The following DPP9 variants were observed in gnomAD, a reference collection of about 807,000 sequenced individuals.
DPP9 encodes the protein dipeptidyl peptidase 9.
Under a neutral mutation model 110.7 loss-of-function variants are expected in DPP9, and 50 were observed. The ratio of observed to expected loss-of-function variants is 0.45; its 90% CI spans 0.36 to 0.57. The LOEUF is 0.57. Ranked by LOEUF, DPP9 falls within the 20% of genes least tolerant of loss-of-function variation. The pLI is 0.00. For missense variants in DPP9, 1,022 were observed against 1,217.9 expected, an observed-to-expected ratio of 0.84 and a Z score of 2.39; for synonymous variants, 561 against 514.4, an observed-to-expected ratio of 1.09 and a Z score of -1.23.
At chr19:4,705,089 A>G (rs1326973006) in intron 5 of DPP9, among the ~76,000 whole-genome samples, 1 of 152,208 alleles carries the variant, frequency 6.6e-6, no homozygotes, top group African/African-American at 2.4e-5. Flanking sequence ...ACTCAGAGAC[A>G]GGCCAAAGTG....
At chr19:4,678,727 G>A (rs2089281416) in intron 21 of DPP9, among the ~76,000 whole-genome samples, 1 of 152,214 alleles carries the variant, frequency 6.6e-6, no homozygotes, top group South Asian at 2.1e-4. Flanking sequence ...TCCCTGCTCT[G>A]TTGAAAGGCA....
In DPP9 at chr19:4,710,429, G is replaced by A. The variant is rs2092779547; in HGVS notation, c.313+3652C>T. On this transcript the variant is annotated intron_variant, in intron 4 of 21. Coordinates refer to ENST00000262960, the MANE Select transcript of DPP9 (RefSeq NM_139159.5). This position sits in a 1 kb window ranked among gnomAD's most constrained non-coding sequence, Gnocchi z 5.6. ...GTGGGGCGGGAGCGGGGTCGGGAGC[G>A]TTTCCCAATGCTGCAGTCTGAGGCC... 6.6e-6 allele frequency among the ~76,000 whole-genome samples: 1 copy of A among 152,212 alleles called. No individual in the cohort carries two copies. The highest frequency in any genetic ancestry group is 2.4e-5 in the African/African-American group (1 of 41,456).
rs1013092883 is a variant in DPP9 at position 4,693,602 on chromosome 19, G to A, written c.1516+1059C>T. Among the ~76,000 whole-genome samples the A allele has an allele frequency of 1.3e-5, 2 of 152,086 alleles. No homozygotes were observed. Among genetic ancestry groups the A allele is most frequent in the African/African-American group, 2.4e-5 (1 of 41,430 alleles). On this transcript the variant is annotated intron_variant, in intron 13 of 21. Coordinates refer to ENST00000262960, the MANE Select transcript of DPP9 (RefSeq NM_139159.5). This position sits in a 1 kb window ranked among gnomAD's most constrained non-coding sequence, Gnocchi z 5.0. The stretch of plus-strand genomic sequence containing the variant: ...AAACGGTGTGGGCTCAGCTGTCCAA[G>A]CACATCCAGAATCAGACCCACCAGG...
At position 4,704,928 on chromosome 19, in the gene DPP9, G is replaced by A. The variant is rs570046644; in HGVS notation, c.427-624C>T. 2.6e-5 allele frequency among the ~76,000 whole-genome samples: 4 copies of A among 152,272 alleles called. No individual in the cohort carries two copies. The highest frequency in any genetic ancestry group is 4.1e-4 in the South Asian group (2 of 4,824). On this transcript the variant is annotated intron_variant, in intron 5 of 21. Coordinates refer to ENST00000262960, the MANE Select transcript of DPP9 (RefSeq NM_139159.5). This position sits in a 1 kb window ranked among gnomAD's most constrained non-coding sequence, Gnocchi z 6.0. Reference sequence around the variant, plus strand: ...GCAGAAGAATCACTTGAACCGGGAGGCAGAGGTTGCAGTGAGCCGAGATTG... The same window carrying A: ...GCAGAAGAATCACTTGAACCGGGAGACAGAGGTTGCAGTGAGCCGAGATTG...
chr19:4,691,604 AGTGTGGGGG>A (rs370500380), intron 13 of DPP9, among the ~76,000 whole-genome samples: 1 of 129,556 alleles, frequency 7.7e-6, no homozygotes, highest in African/African-American at 2.9e-5. Context: ...GGGGGCGGGG[AGTGTGGGGG>A]AGGAGCCAAC....
At chr19:4,688,988 GC>G in intron 15 of DPP9, 96 bp from the exon 16 acceptor site, 1 of 1,140,558 alleles carries the variant, frequency 8.8e-7, no homozygotes, top group Non-Finnish European at 1.1e-6. Flanking sequence ...CCTCCCGCCC[GC>G]CCCCATCCCT....
In DPP9 at chr19:4,689,307, G is replaced by C. The variant is rs572064002; in HGVS notation, c.1749+263C>G. On this transcript the variant is annotated intron_variant, in intron 15 of 21. Transcript: ENST00000262960. The surrounding 1 kb of genome is among the most constrained non-coding windows in gnomAD (Gnocchi z 7.0). ...GAGAGGCTAAGGGCCACATCCCACC[G>C]CACACAGAGCGGCGGAGCCCCAGCT... Among the ~76,000 whole-genome samples the C allele has an allele frequency of 6.6e-6, 1 of 152,342 alleles. No individual in the cohort carries two copies. Among genetic ancestry groups the C allele is most frequent in the South Asian group, 2.1e-4 (1 of 4,830 alleles).
rs1047026072 is a variant in DPP9, at chr19:4,680,016, G to A, written c.2475-70C>T. ...GGGGTAGGAGGGGAGCAGATCACAA[G>A]GTCAGGAGTTTGAGACCAGCCTGGC... On this transcript the variant is annotated intron_variant, in intron 20 of 21. Coordinates refer to ENST00000262960, the MANE Select transcript of DPP9 (RefSeq NM_139159.5). The A allele has an allele frequency of 1.1e-5, 13 of 1,152,560 alleles. No individual in the cohort carries two copies. The East Asian group carries it at 2.5e-4, about 22-fold the overall frequency. The allele number at this position is 1,152,560 out of a possible 1,614,324, so 71.4% of individuals were successfully genotyped here. A position where few individuals can be genotyped will look rare whatever the true frequency, so the allele number is the denominator to read the frequency against.
chr19:4,679,820 C>T lies in DPP9; in HGVS notation c.2586+15G>A, dbSNP rs758864145. The T allele has an allele frequency of 6.3e-7, 1 of 1,587,826 alleles. No homozygotes were observed. Among genetic ancestry groups the T allele is most frequent in the Non-Finnish European group, 8.6e-7 (1 of 1,166,180 alleles). The stretch of plus-strand genomic sequence containing the variant: ...TCGGCTCGCGGAGGGGCCGAAGCCC[C>T]CAACAGCCACCCACCTGGAGCTGGT... On this transcript the variant is annotated intron_variant, in intron 21 of 21. Transcript: ENST00000262960.
At chr19:4,691,978 G>A (rs898584810) in intron 13 of DPP9, among the ~76,000 whole-genome samples, 1 of 151,898 alleles carries the variant, frequency 6.6e-6, no homozygotes. Context: ...GCGCCTGGCC[G>A]ACTTTTTTTG....
At position 4,694,965 on chromosome 19, in the gene DPP9, C is replaced by T. The variant is rs1267690510; in HGVS notation, c.1354-142G>A. ...GAATTTCAGAGACCAGCCTGGACAA[C>T]ATAGTAAGACCCCACCTCTAAAAAT... On this transcript the variant is annotated intron_variant, in intron 12 of 21. Transcript: ENST00000262960. The surrounding 1 kb of genome is among the most constrained non-coding windows in gnomAD (Gnocchi z 4.0). The T allele has an allele frequency of 2.8e-6, 2 of 713,050 alleles. No homozygotes were observed. Among genetic ancestry groups the T allele is most frequent in the Admixed American group, 2.8e-5 (1 of 36,276 alleles). 44.2% of individuals were successfully genotyped at this position (713,050 alleles called of 1,614,324 possible). A position where few individuals can be genotyped will look rare whatever the true frequency, so the allele number is the denominator to read the frequency against.
chr19:4,702,574 G>A, intron 8 of DPP9, 29 bp downstream of exon 8: 1 of 1,529,908 alleles, frequency 6.5e-7, no homozygotes, highest in Non-Finnish European at 8.9e-7. Context: ...GCACGCCCGG[G>A]AGCATGTTGA....
chr19:4,689,833 C>G lies in DPP9; in HGVS notation c.1597-111G>C. The stretch of plus-strand genomic sequence containing the variant: ...ATGTTCCTCGGACTGGGGACGCATG[C>G]TGTCCTCGCCCAAGTCTGGCTTTAG... On this transcript the variant is annotated intron_variant, in intron 14 of 21. Transcript: ENST00000262960. The surrounding 1 kb of genome is among the most constrained non-coding windows in gnomAD (Gnocchi z 7.0). 8.5e-7 allele frequency: 1 copy of G among 1,178,924 alleles called. No homozygotes were observed. The highest frequency in any genetic ancestry group is 1.2e-6 in the Non-Finnish European group (1 of 864,086). 73.0% of individuals were successfully genotyped at this position (1,178,924 alleles called of 1,614,324 possible).
chr19:4,714,896 C>T (rs191856084), intron 3 of DPP9, among the ~76,000 whole-genome samples: 1 of 152,206 alleles, frequency 6.6e-6, no homozygotes, highest in East Asian at 1.9e-4. Flanking sequence ...AGCCTTCACT[C>T]AGCTCCTCAA....
rs2091156939 is a variant in DPP9 at position 4,689,908 on chromosome 19, CT to C, written c.1597-187del. On this transcript the variant is annotated intron_variant, in intron 14 of 21. Transcript: ENST00000262960. The surrounding 1 kb of genome is among the most constrained non-coding windows in gnomAD (Gnocchi z 7.0). ...AGATGCGCTTATCTGGCCCCGTGGG[CT>C]GGGAGCAGCCCCTGGTCGAGCTGGG... 6.6e-6 allele frequency among the ~76,000 whole-genome samples: 1 copy of C among 152,220 alleles called. No individual in the cohort carries two copies. The highest frequency in any genetic ancestry group is 2.4e-5 in the African/African-American group (1 of 41,454).
chr19:4,683,728 G>A (rs761399367), intron 18 of DPP9, 99 bp from the exon 19 acceptor site: 1 of 1,610,202 alleles, frequency 6.2e-7, no homozygotes. Context: ...CTCCCTCTTG[G>A]ATGAAAAGTG....
In DPP9 at chr19:4,704,440, G is replaced by T; in HGVS notation, c.427-136C>A. The T allele has an allele frequency of 9.1e-7, 1 of 1,102,010 alleles. No individual in the cohort carries two copies. Among genetic ancestry groups the T allele is most frequent in the Non-Finnish European group, 1.3e-6 (1 of 776,098 alleles). 68.3% of individuals were successfully genotyped at this position (1,102,010 alleles called of 1,614,324 possible). On this transcript the variant is annotated intron_variant, in intron 5 of 21. Coordinates refer to ENST00000262960, the MANE Select transcript of DPP9 (RefSeq NM_139159.5). This position sits in a 1 kb window ranked among gnomAD's most constrained non-coding sequence, Gnocchi z 6.0. ...CTCGCCAGAGAGAACTTCCTGTACTGGGCAGAATTGGCTGCCGGAGCCCTT... is the reference window on the plus strand; with the variant it reads ...CTCGCCAGAGAGAACTTCCTGTACTTGGCAGAATTGGCTGCCGGAGCCCTT...
Position 4,693,460 on chromosome 19 carries a change from T to C in DPP9, c.1516+1201A>G, listed in dbSNP as rs1041186007. On this transcript the variant is annotated intron_variant, in intron 13 of 21. Transcript: ENST00000262960. This position sits in a 1 kb window ranked among gnomAD's most constrained non-coding sequence, Gnocchi z 5.0. ...ACTTGAACACATCCAAACCCGACTC[T>C]GGATTTTTTCTCTCCTAGAACAGTC... is the stretch of plus-strand genomic sequence containing the variant. Among the ~76,000 whole-genome samples, 4 of 152,132 alleles carry C rather than the reference T, an allele frequency of 2.6e-5. No homozygotes were observed. The highest frequency in any genetic ancestry group is 7.2e-5 in the African/African-American group (3 of 41,418).
At chr19:4,697,483 C>G (rs1336873211) in intron 11 of DPP9, 68 bp downstream of exon 11, 6 of 1,391,806 alleles carry the variant, frequency 4.3e-6, no homozygotes, top group Non-Finnish European at 6.0e-6. Flanking sequence ...CAGGAGGCAG[C>G]TTCGGTGGCT....
Sources: allele counts gnomAD v4.1 joint callset (sites outside exome capture counted in the v4.1 genomes callset), GRCh38; gene constraint gnomAD v4.1.1; non-coding constraint Gnocchi (gnomAD v3.1); transcripts MANE v1.5; gene names NCBI Gene and HGNC (gene_info 2026-07-23, HGNC 2026-07-21).